Variants in RYR2 observed in about 807,000 individuals in gnomAD.
RYR2 encodes ryanodine receptor 2, also known as cardiac muscle ryanodine receptor-calcium release channel.
A neutral mutation model predicts 601.1 loss-of-function variants in RYR2; 227 were observed. That is an observed-to-expected ratio of 0.38 (90% CI 0.34 to 0.42). RYR2 has a LOEUF of 0.42. Among genes scored for constraint, RYR2 ranks in the 10% least tolerant of loss-of-function variants. RYR2 has a pLI of 1.00. For missense variants in RYR2, 4,646 were observed against 6,156.5 expected (o/e 0.75, Z 8.21); for synonymous variants, 2,223 against 2,175.1 (o/e 1.02, Z -0.61).
rs375047448 is a variant in RYR2 at position 237,300,359 on chromosome 1, A to T, written c.168+29743A>T. Among the ~76,000 whole-genome samples the T allele has an allele frequency of 1.3e-4, 20 of 152,244 alleles. 1 individual carries two copies. Among genetic ancestry groups the T allele is most frequent in the African/African-American group, 4.6e-4 (19 of 41,542 alleles). On this transcript the variant is annotated intron_variant, in intron 2 of 104. Transcript: ENST00000366574. ...TTAATATTTTTCCCTTTTGATCAAC[A>T]TTGCAATCTTCTAAGCTACTGCATT...
chr1:237,626,699 G>A (rs1457197426), intron 40 of RYR2, among the ~76,000 whole-genome samples: 1 of 140,572 alleles, frequency 7.1e-6, no homozygotes, highest in Non-Finnish European at 1.5e-5. Context: ...TCAGCCTCCT[G>A]AGTAGCTGGA....
At chr1:237,547,635 A>C (rs1032374418) in intron 25 of RYR2, among the ~76,000 whole-genome samples, 4 of 152,184 alleles carry the variant, frequency 2.6e-5, no homozygotes, top group Admixed American at 2.6e-4. Flanking sequence ...AGTTAAATAG[A>C]ATGAAGCGCT....
intron 35 of RYR2, among the ~76,000 whole-genome samples, chr1:237,604,367 A>T (rs56351738): frequency 0.28 from 41,846 of 151,774 alleles, 6,169 homozygotes; most frequent in East Asian, 0.6. Context: ...ATGTTCTTTG[A>T]AACCAACGAG....
At chr1:237,664,125 T>C (rs1684063339) in intron 56 of RYR2, among the ~76,000 whole-genome samples, 2 of 152,210 alleles carry the variant, frequency 1.3e-5, no homozygotes, top group African/African-American at 4.8e-5. Context: ...GTACTACACA[T>C]GTAGGACAAA....
intron 3 of RYR2, among the ~76,000 whole-genome samples, chr1:237,331,921 A>C (rs1035811811): frequency 6.6e-6 from 1 of 152,202 alleles, no homozygotes; most frequent in Non-Finnish European, 1.5e-5. Flanking sequence ...GCTGTTACCC[A>C]GTCTTAACCA....
chr1:237,165,559 T>C (rs1676608127), intron 1 of RYR2, among the ~76,000 whole-genome samples: 1 of 152,180 alleles, frequency 6.6e-6, no homozygotes, highest in East Asian at 1.9e-4. Flanking sequence ...TTAAATAATG[T>C]CCTTTTATTT....
intron 1 of RYR2, chr1:237,120,990 TC>T (rs1414460757): frequency 2.6e-5 from 4 of 152,056 alleles, no homozygotes; most frequent in African/African-American, 9.7e-5. Flanking sequence ...GGGAGGAACT[TC>T]CTTCTTCTGC....
chr1:237,722,583 G>A (rs12134710), intron 73 of RYR2, among the ~76,000 whole-genome samples: 3 of 151,704 alleles, frequency 2.0e-5, no homozygotes, highest in Non-Finnish European at 2.9e-5. Flanking sequence ...ACAGGCGCCC[G>A]CCACCACGCC....
At chr1:237,629,097 G>A (rs1476916283) in intron 41 of RYR2, among the ~76,000 whole-genome samples, 1 of 152,082 alleles carries the variant, frequency 6.6e-6, no homozygotes, top group African/African-American at 2.4e-5. Context: ...GAAGAAAACG[G>A]AATTCAGAGA....
intron 2 of RYR2, among the ~76,000 whole-genome samples, chr1:237,279,500 T>C (rs1234967779): frequency 6.6e-6 from 1 of 152,168 alleles, no homozygotes; most frequent in Non-Finnish European, 1.5e-5. Flanking sequence ...ATTAAATCAA[T>C]TAATTAAATC....
chr1:237,738,197 G>T (rs573565949), intron 79 of RYR2, among the ~76,000 whole-genome samples: 21 of 152,160 alleles, frequency 1.4e-4, no homozygotes, highest in Middle Eastern at 3.4e-3. Flanking sequence ...TCCCTTGGAA[G>T]GCATCATTTA....
intron 1 of RYR2, among the ~76,000 whole-genome samples, chr1:237,148,523 A>ATATATAT (rs1316106371): frequency 2.5e-4 from 12 of 48,280 alleles, no homozygotes; most frequent in Admixed American, 2.0e-3. Context: ...AGTAAAAAAA[A>ATATATAT]AAAAATATAT....
chr1:237,815,026 C>A (rs953113231), intron 100 of RYR2, among the ~76,000 whole-genome samples: 2 of 142,706 alleles, frequency 1.4e-5, no homozygotes, highest in African/African-American at 5.3e-5. Flanking sequence ...CAGCAGCTGA[C>A]CCTCAGTGTT....
chr1:237,238,629 C>T (rs1685835592), intron 1 of RYR2, among the ~76,000 whole-genome samples: 1 of 152,168 alleles, frequency 6.6e-6, no homozygotes, highest in African/African-American at 2.4e-5. Flanking sequence ...TCCTTCTCCA[C>T]CATGAAGAGC....
intron 2 of RYR2, 85 bp downstream of exon 2, chr1:237,270,701 T>C: frequency 7.1e-7 from 1 of 1,402,538 alleles, no homozygotes; most frequent in South Asian, 1.3e-5. Flanking sequence ...TACTATTTTC[T>C]GTGGAATACA....
chr1:237,225,207 A>G (rs1684230143), intron 1 of RYR2, among the ~76,000 whole-genome samples: 3 of 152,180 alleles, frequency 2.0e-5, no homozygotes, highest in African/African-American at 7.2e-5. Context: ...AGGCAGATAT[A>G]AGATTAAAAT....
rs876657990 is a variant in RYR2 at position 237,530,485 on chromosome 1, G to T, written c.2881G>T (p.Val961Leu). The T allele has an allele frequency of 2.5e-6, 4 of 1,606,902 alleles. No homozygotes were observed. The highest frequency in any genetic ancestry group is 3.3e-4 in the Middle Eastern group (2 of 6,056). ...ATCAGATGAACATGCTGAAGACAAGGTGAAAAAAATGAAGCTACCCAAGAA... is the reference window on the plus strand; with the variant it reads ...ATCAGATGAACATGCTGAAGACAAGTTGAAAAAAATGAAGCTACCCAAGAA... ...GISDEHAEDKVKKMKLPKNYQ... is the reference protein window; with the variant it reads ...GISDEHAEDKLKKMKLPKNYQ... The change falls in exon 25 of 105, where the codon GTG becomes TTG. Residue 961 changes from valine to leucine, a missense_variant. By Grantham distance (32) the Val-to-Leu change is conservative (BLOSUM62 1). Coordinates refer to ENST00000366574, the MANE Select transcript of RYR2 (RefSeq NM_001035.3).
At chr1:237,101,028 C>G (rs1200624546) in intron 1 of RYR2, among the ~76,000 whole-genome samples, 7 of 152,036 alleles carry the variant, frequency 4.6e-5, no homozygotes, top group Non-Finnish European at 1.0e-4. Flanking sequence ...CTAGGGACCA[C>G]CAGCTCCCAA....
chr1:237,600,871 T>A (rs1257939781), intron 34 of RYR2, among the ~76,000 whole-genome samples: 2 of 152,112 alleles, frequency 1.3e-5, no homozygotes, highest in Non-Finnish European at 2.9e-5. Context: ...ATCAGCAAAG[T>A]GCAAATCAAA....
Sources: gnomAD v4.1 joint callset for allele counts (sites outside exome capture counted in the v4.1 genomes callset) on GRCh38, gnomAD v4.1.1 for gene constraint, MANE v1.5 for transcripts, NCBI Gene and HGNC (gene_info 2026-07-23, HGNC 2026-07-21) for gene names.